PCNT: variants seen among roughly 807,000 people sequenced by gnomAD.
PCNT encodes the protein pericentrin, also known as kendrin.
Under a neutral mutation model 380.4 loss-of-function variants are expected in PCNT, and 319 were observed. The observed-to-expected ratio is 0.84, with a 90% CI of 0.77 to 0.92. The LOEUF is 0.92. Among genes scored for constraint, PCNT ranks in the 40% least tolerant of loss-of-function variants. The probability of loss-of-function intolerance (pLI) is 0.00; values close to 1 mark genes in which losing one functional copy is unlikely to be tolerated. For missense variants in PCNT, 4,400 were observed against 4,255.3 expected (o/e 1.03, Z -0.95); for synonymous variants, 1,845 against 1,735.2 (o/e 1.06, Z -1.57).
rs527285275 is a variant in PCNT at position 46,380,222 on chromosome 21, C to T, written c.3166-1472C>T. Among the ~76,000 whole-genome samples the T allele has an allele frequency of 4.3e-4, 55 of 127,992 alleles. No individual in the cohort carries two copies. In the South Asian group the frequency reaches 0.012, roughly 28 times the overall value. 84.0% of individuals were successfully genotyped at this position (127,992 alleles called of 152,430 possible). A position where few individuals can be genotyped will look rare whatever the true frequency, so the allele number is the denominator to read the frequency against. On this transcript the variant is annotated intron_variant, in intron 15 of 46. Coordinates refer to ENST00000359568, the MANE Select transcript of PCNT (RefSeq NM_006031.6). ...TGTCGCCCAGGCTAGAGTGCAGTGGCGCAATCTAGGCTCACTGCAAGCTCT... is the reference window on the plus strand; with the variant it reads ...TGTCGCCCAGGCTAGAGTGCAGTGGTGCAATCTAGGCTCACTGCAAGCTCT...
chr21:46,347,389 C>T (rs1342977456), intron 5 of PCNT, 68 bp from the exon 6 acceptor site: 1 of 1,527,592 alleles, frequency 6.5e-7, no homozygotes, highest in South Asian at 1.1e-5. Flanking sequence ...CTGGTCGTTT[C>T]CTGGGCAGTT....
intron 1 of PCNT, 29 bp from the exon 2 acceptor site, chr21:46,326,348 C>G (rs1469315326): frequency 9.9e-6 from 16 of 1,609,420 alleles, no homozygotes; most frequent in Non-Finnish European, 1.3e-5. Context: ...TTACCTTTGC[C>G]TTTACTACTT....
At chr21:46,444,276 A>G (rs1226189333) in intron 45 of PCNT, among the ~76,000 whole-genome samples, 2 of 152,104 alleles carry the variant, frequency 1.3e-5, no homozygotes, top group Admixed American at 6.6e-5. Flanking sequence ...CTCTGGGTGG[A>G]GAGGGAAAAG....
In PCNT at chr21:46,440,080, C is replaced by G. The variant is rs200348425; in HGVS notation, c.9274-3C>G. 1 of 1,614,034 alleles carries G rather than the reference C, an allele frequency of 6.2e-7. No individual in the cohort carries two copies. Among genetic ancestry groups the G allele is most frequent in the Non-Finnish European group, 8.5e-7 (1 of 1,180,006 alleles). On this transcript the variant is annotated splice_region_variant and splice_polypyrimidine_tract_variant and intron_variant, in intron 41 of 46. Transcript: ENST00000359568. ...AGACAGCGCTGGCTGTGCTTCCTTA[C>G]AGAGGTCGGAAAGGTCTGCTTGGAA... is the stretch of plus-strand genomic sequence containing the variant.
rs1195435642 is a variant in PCNT at position 46,334,321 on chromosome 21, G to C, written c.268-76G>C. 5 of 1,605,602 alleles carry C rather than the reference G, an allele frequency of 3.1e-6. No homozygotes were observed. The African/African-American group carries it at 6.7e-5, about 21-fold the overall frequency. On this transcript the variant is annotated intron_variant, in intron 2 of 46. Coordinates refer to ENST00000359568, the MANE Select transcript of PCNT (RefSeq NM_006031.6). ...TGAAGTCAGCACAGGCCTGCAGATA[G>C]AGGAGCTGGGAAGGGCCTGAGGCTG... is the stretch of plus-strand genomic sequence containing the variant.
In PCNT at chr21:46,355,605, C is replaced by T. The variant is rs1237997161; in HGVS notation, c.1915C>T (p.Pro639Ser). The T allele has an allele frequency of 6.8e-6, 11 of 1,613,814 alleles. No homozygotes were observed. The highest frequency in any genetic ancestry group is 9.3e-6 in the Non-Finnish European group (11 of 1,179,990). Residue 639 changes from proline (P) to serine (S), a missense_variant, in exon 12 of 47, where the codon CCC becomes TCC. By Grantham distance (74) the Pro-to-Ser change is moderately conservative. Transcript: ENST00000359568. ...SALGHEWRLE[P>S]SEGHSQELPW... ...ATTGGGACACGAGTGGCGTCTGGAA[C>T]CCTCTGAAGGGCACAGCCAAGGTGG...
At chr21:46,341,341 T>A (rs1440221308) in intron 3 of PCNT, among the ~76,000 whole-genome samples, 1 of 152,086 alleles carries the variant, frequency 6.6e-6, no homozygotes, top group Admixed American at 6.6e-5. Context: ...GCACATTGTC[T>A]GGTCTTTTTT....
chr21:46,398,115 C>A lies in PCNT; in HGVS notation c.4548C>A (p.Gly1516=). The change falls in exon 23 of 47, where the codon GGC becomes GGA. Residue 1516 remains glycine, a synonymous_variant. Coordinates refer to ENST00000359568, the MANE Select transcript of PCNT (RefSeq NM_006031.6). ...AGGCGGCCAAGCCGCAGCCCTGGGG[C>A]CCTCGCGACAGCCAGGTGAGTCAGT... ...LRQAAKPQPW[G]PRDSQQAPLD... 6.2e-7 allele frequency: 1 copy of A among 1,605,336 alleles called. No individual in the cohort carries two copies. The highest frequency in any genetic ancestry group is 8.5e-7 in the Non-Finnish European group (1 of 1,176,800).
Position 46,441,003 on chromosome 21 carries a change from C to G in PCNT, c.9542C>G (p.Pro3181Arg). Residue 3181 changes from proline (P) to arginine (R), a missense_variant, in exon 43 of 47, where the codon CCT becomes CGT. Physicochemically the swap from Pro to Arg is moderately radical, Grantham distance 103. Transcript: ENST00000359568. ...LSMIAHLGVF[P>R]SKAERKITSR... is the part of the protein sequence containing the mutation. ...ATGATTGCCCATTTGGGGGTATTTC[C>G]TTCCAAAGCAGAACGGAAAATCACA... 1 of 1,614,136 alleles carries G rather than the reference C, an allele frequency of 6.2e-7. No homozygotes were observed. The highest frequency in any genetic ancestry group is 8.5e-7 in the Non-Finnish European group (1 of 1,180,004).
At chr21:46,393,966 A>G (rs1404355063) in intron 21 of PCNT, among the ~76,000 whole-genome samples, 2 of 152,188 alleles carry the variant, frequency 1.3e-5, no homozygotes, top group South Asian at 2.1e-4. Flanking sequence ...AGTGGATCTC[A>G]TGGAGCCCTT....
chr21:46,361,063 C>G (rs1203601319), intron 13 of PCNT, among the ~76,000 whole-genome samples: 1 of 152,104 alleles, frequency 6.6e-6, no homozygotes, highest in Non-Finnish European at 1.5e-5. Context: ...TTCCTCTTTG[C>G]ATTATGTTTT....
chr21:46,435,535 G>GTGTTTTGTTT (rs58296456), intron 38 of PCNT, among the ~76,000 whole-genome samples: 51 of 148,598 alleles, frequency 3.4e-4, no homozygotes, highest in African/African-American at 9.6e-4. Context: ...TGGCAGTTTT[G>GTGTTTTGTTT]TGTTTTGTTT....
In PCNT at chr21:46,363,816, G is replaced by C; in HGVS notation, c.2491G>C (p.Asp831His). 6.2e-7 allele frequency: 1 copy of C among 1,612,836 alleles called. No individual in the cohort carries two copies. Among genetic ancestry groups the C allele is most frequent in the Non-Finnish European group, 8.5e-7 (1 of 1,179,266 alleles). Residue 831 changes from aspartate to histidine, a missense_variant, in exon 14 of 47, where the codon GAC becomes CAC. Asp to His is a moderately conservative substitution (Grantham distance 81, BLOSUM62 -1). Transcript: ENST00000359568. ...GCAGCTGGAACAGGACCTCACTTCAGACGACGCCCTGCATTGCAGCCAGTG... is the reference window on the plus strand; with the variant it reads ...GCAGCTGGAACAGGACCTCACTTCACACGACGCCCTGCATTGCAGCCAGTG... The part of the protein sequence containing the change: ...LQQLEQDLTS[D>H]DALHCSQCGR...
chr21:46,366,305 C>T (rs931786137), intron 14 of PCNT, among the ~76,000 whole-genome samples: 4 of 152,168 alleles, frequency 2.6e-5, no homozygotes, highest in African/African-American at 9.7e-5. Flanking sequence ...TGTGCCATCT[C>T]TTGCTGAGGG....
chr21:46,358,715 C>T (rs2084572199), intron 13 of PCNT, among the ~76,000 whole-genome samples: 1 of 151,864 alleles, frequency 6.6e-6, no homozygotes, highest in African/African-American at 2.4e-5. Flanking sequence ...ACCTTCACCT[C>T]CTGGCTTCAA....
intron 35 of PCNT, among the ~76,000 whole-genome samples, chr21:46,429,196 T>C (rs1476256025): frequency 1.3e-5 from 2 of 152,018 alleles, no homozygotes. Context: ...CCATGCCCTT[T>C]GTGCTCTCTG....
At chr21:46,440,657 T>C (rs567058657) in intron 42 of PCNT, among the ~76,000 whole-genome samples, 198 bp from the exon 43 acceptor site, 3 of 152,338 alleles carry the variant, frequency 2.0e-5, no homozygotes, top group South Asian at 4.1e-4. Flanking sequence ...CTAGATCTTG[T>C]CTGACAAACA....
At position 46,388,643 on chromosome 21, in the gene PCNT, C is replaced by A. The variant is rs1448094732; in HGVS notation, c.3465-99C>A. Reference sequence around the variant, plus strand: ...CCCGTGGGGACAGGCAGCCGTGGGCCGAGGTGTGCAAACTGGTGGGCGGCC... The same window carrying A: ...CCCGTGGGGACAGGCAGCCGTGGGCAGAGGTGTGCAAACTGGTGGGCGGCC... On this transcript the variant is annotated intron_variant, in intron 17 of 46. Transcript: ENST00000359568. The surrounding 1 kb of genome is among the most constrained non-coding windows in gnomAD (Gnocchi z 4.2). The A allele has an allele frequency of 2.7e-6, 4 of 1,465,516 alleles. No individual in the cohort carries two copies. The highest frequency in any genetic ancestry group is 3.8e-6 in the Non-Finnish European group (4 of 1,057,554). 90.8% of individuals were successfully genotyped at this position (1,465,516 alleles called of 1,614,324 possible). A position where few individuals can be genotyped will look rare whatever the true frequency, so the allele number is the denominator to read the frequency against.
chr21:46,352,999 T>C, intron 9 of PCNT, 105 bp from the exon 10 acceptor site: 1 of 907,282 alleles, frequency 1.1e-6, no homozygotes, highest in Non-Finnish European at 1.8e-6. Flanking sequence ...GATGGGCCCT[T>C]TTCCGAGTTC....
Sources: gnomAD v4.1 joint callset for allele counts (sites outside exome capture counted in the v4.1 genomes callset) on GRCh38, gnomAD v4.1.1 for gene constraint, Gnocchi (gnomAD v3.1) non-coding constraint, MANE v1.5 for transcripts, NCBI Gene and HGNC (gene_info 2026-07-23, HGNC 2026-07-21) for gene names.